TJP2: variants seen among roughly 807,000 people sequenced by gnomAD.
The protein encoded by TJP2 is tight junction protein 2.
Under a neutral mutation model 133.1 loss-of-function variants are expected in TJP2, and 91 were observed. The observed-to-expected ratio is 0.68, with a 90% CI of 0.58 to 0.81. TJP2 has a LOEUF of 0.81. TJP2 is among the 40% of genes least tolerant of loss of function. The pLI is 0.00. For missense variants in TJP2, 1,541 were observed against 1,565.6 expected (o/e 0.98, Z 0.26); for synonymous variants, 592 against 583.4 (o/e 1.01, Z -0.21).
chr9:69,133,082 C>T (rs532883267), intron 1 of TJP2, among the ~76,000 whole-genome samples: 4 of 152,224 alleles, frequency 2.6e-5, no homozygotes, highest in Non-Finnish European at 5.9e-5. Flanking sequence ...CTACCTCAGC[C>T]TCCCAAACAG....
At chr9:69,175,727 A>C (rs1825035216) in intron 1 of TJP2, among the ~76,000 whole-genome samples, 1 of 152,154 alleles carries the variant, frequency 6.6e-6, no homozygotes, top group Admixed American at 6.5e-5. Context: ...AGGGTACTGG[A>C]GCTTCCTCAT....
intron 1 of TJP2, among the ~76,000 whole-genome samples, chr9:69,194,897 G>A (rs968451782): frequency 6.6e-6 from 1 of 152,180 alleles, no homozygotes; most frequent in African/African-American, 2.4e-5. Context: ...ATTCTAATAG[G>A]AAAGGCATGT....
chr9:69,174,199 A>G, upstream of TJP2: 2 of 1,388,530 alleles, frequency 1.4e-6, no homozygotes, highest in Middle Eastern at 2.7e-4. Context: ...GGGCGGGCTG[A>G]CGCCGCCGCC....
chr9:69,129,134 A>G (rs1244061044), intron 1 of TJP2, among the ~76,000 whole-genome samples: 1 of 152,222 alleles, frequency 6.6e-6, no homozygotes, highest in Non-Finnish European at 1.5e-5. Context: ...GTCCATGAAA[A>G]TAATCATACA....
chr9:69,147,065 G>A (rs1823244188), intron 1 of TJP2, among the ~76,000 whole-genome samples: 1 of 152,204 alleles, frequency 6.6e-6, no homozygotes, highest in African/African-American at 2.4e-5. Flanking sequence ...TATGCGTGGA[G>A]AGGGCAGGGG....
At chr9:69,222,843 C>T (rs138952556) in intron 5 of TJP2, among the ~76,000 whole-genome samples, 5 of 151,640 alleles carry the variant, frequency 3.3e-5, no homozygotes, top group East Asian at 2.0e-4. Flanking sequence ...CCGAGGTGGG[C>T]GGATGACTTG....
At chr9:69,145,665 T>A in intron 1 of TJP2, 1 of 1,180,554 alleles carries the variant, frequency 8.5e-7, no homozygotes. Context: ...AGGTGAACAG[T>A]GACTGAAATT....
chr9:69,211,208 G>A (rs1364120736), intron 1 of TJP2, among the ~76,000 whole-genome samples: 7 of 152,092 alleles, frequency 4.6e-5, no homozygotes, highest in African/African-American at 9.7e-5. Flanking sequence ...GTGGTAGTGC[G>A]CACCTGTAAT....
intron 4 of TJP2, 134 bp from the exon 5 acceptor site, chr9:69,220,753 A>G: frequency 1.2e-6 from 1 of 816,334 alleles, no homozygotes; most frequent in Admixed American, 2.0e-5. Context: ...CCGTTTCCGG[A>G]TGAGGAACCT....
Position 69,134,057 on chromosome 9 carries a change from C to G in TJP2, c.-131+12332C>G, listed in dbSNP as rs73447189. ...CCCTGGTTCCATGGTCACTCACATC[C>G]GTATTACAGCATGCTGGGTCGCAGT... On this transcript the variant is annotated intron_variant, in intron 1 of 5. Coordinates refer to the TJP2 transcript ENST00000423935. 4.0e-3 allele frequency among the ~76,000 whole-genome samples: 613 copies of G among 152,232 alleles called. 3 individuals are homozygous for G. Among genetic ancestry groups the G allele is most frequent in the African/African-American group, 0.014 (594 of 41,528 alleles).
chr9:69,128,739 G>C (rs1262036634), intron 1 of TJP2, among the ~76,000 whole-genome samples: 1 of 152,076 alleles, frequency 6.6e-6, no homozygotes, highest in Non-Finnish European at 1.5e-5. Context: ...TGTTAGCCAG[G>C]ATGGTCTCAA....
chr9:69,201,121 C>T (rs565550186), intron 1 of TJP2, among the ~76,000 whole-genome samples: 11 of 152,248 alleles, frequency 7.2e-5, no homozygotes, highest in Non-Finnish European at 1.6e-4. Flanking sequence ...TGTGTGACTT[C>T]CTTTGCATCA....
At position 69,221,202 on chromosome 9, in the gene TJP2, AGCCTGGAGCGGG is replaced by A; in HGVS notation, c.666_677del (p.Glu222_Leu225del). 6.2e-7 allele frequency: 1 copy of A among 1,603,200 alleles called. No individual in the cohort carries two copies. Among genetic ancestry groups the A allele is most frequent in the African/African-American group, 1.3e-5 (1 of 74,762 alleles). On this transcript the variant is annotated inframe_deletion, in exon 5 of 23. Transcript: ENST00000377245. ...CACCCGAGACCGCAGCCGTGGCCGG[AGCCTGGAGCGGG>A]GCCTGGACCACGACTTTGGGCCATC...
chr9:69,138,743 C>T (rs1822884615), intron 1 of TJP2, among the ~76,000 whole-genome samples: 3 of 151,824 alleles, frequency 2.0e-5, no homozygotes, highest in Admixed American at 2.0e-4. Flanking sequence ...CATGGAGAAA[C>T]CCCATCTCTA....
intron 1 of TJP2, among the ~76,000 whole-genome samples, chr9:69,195,103 CTAA>C (rs1171048730): frequency 5.0e-5 from 7 of 140,880 alleles, no homozygotes; most frequent in Non-Finnish European, 9.4e-5. Flanking sequence ...CTGAGCAGCT[CTAA>C]TAATTGTTTT....
chr9:69,226,252 C>T (rs928684707), intron 7 of TJP2, 77 bp downstream of exon 7: 39 of 1,524,468 alleles, frequency 2.6e-5, no homozygotes, highest in Non-Finnish European at 3.2e-5. Flanking sequence ...TTTAGTGTAG[C>T]TATCCAGCTG....
chr9:69,132,265 A>G (rs1047320622), intron 1 of TJP2, among the ~76,000 whole-genome samples: 2 of 152,228 alleles, frequency 1.3e-5, no homozygotes, highest in African/African-American at 4.8e-5. Flanking sequence ...GTTTAAGGAC[A>G]GTGTGAGACT....
At chr9:69,205,450 G>A (rs748598733) in intron 1 of TJP2, 3 of 960,590 alleles carry the variant, frequency 3.1e-6, no homozygotes, top group Non-Finnish European at 4.4e-6. Context: ...GAAACTGATA[G>A]CCTCTTACTG....
chr9:69,188,696 GACAC>G (rs1826014988), intron 1 of TJP2, among the ~76,000 whole-genome samples: 1 of 152,160 alleles, frequency 6.6e-6, no homozygotes, highest in South Asian at 2.1e-4. Context: ...TTGCCTCTAA[GACAC>G]AGCCTTACAG....
Sources: allele counts gnomAD v4.1 joint callset (sites outside exome capture counted in the v4.1 genomes callset), GRCh38; gene constraint gnomAD v4.1.1; transcripts MANE v1.5; gene names NCBI Gene and HGNC (gene_info 2026-07-23, HGNC 2026-07-21).